Variants in GRM5 observed in about 807,000 individuals in gnomAD.
GRM5 encodes metabotropic glutamate receptor 5.
A neutral mutation model predicts 83.1 loss-of-function variants in GRM5; 19 were observed. The ratio of observed to expected loss-of-function variants is 0.23; its 90% CI spans 0.16 to 0.34. The LOEUF is 0.34. Ranked by LOEUF, GRM5 falls within the 10% of genes least tolerant of loss-of-function variation. The probability of loss-of-function intolerance (pLI) is 1.00; values close to 1 mark genes in which losing one functional copy is unlikely to be tolerated. For missense variants in GRM5, 1,160 were observed against 1,588.3 expected (o/e 0.73, Z 4.58); for synonymous variants, 675 against 633.6 (o/e 1.07, Z -0.98).
intron 8 of GRM5, among the ~76,000 whole-genome samples, chr11:88,538,791 C>T (rs1942195979): frequency 6.6e-6 from 1 of 152,186 alleles, no homozygotes; most frequent in Admixed American, 6.5e-5. Context: ...ATTATTCCTA[C>T]TTTACAAATG....
rs61582476 is a variant in GRM5 at position 88,735,434 on chromosome 11, C to T, written c.912-82031G>A. Among the ~76,000 whole-genome samples, 1,493 of 152,178 alleles carry T rather than the reference C, an allele frequency of 9.8e-3. 24 individuals are homozygous for T. Among genetic ancestry groups the T allele is most frequent in the African/African-American group, 0.035 (1,437 of 41,558 alleles). The stretch of plus-strand genomic sequence containing the variant: ...GGTAAAACTTTGTTTGTCCCTGTTG[C>T]TATCATCTTTGCCAACTTTCTCTCC... On this transcript the variant is annotated intron_variant, in intron 3 of 9. Coordinates refer to ENST00000305447, the MANE Select transcript of GRM5 (RefSeq NM_001143831.3).
At chr11:88,629,403 T>C (rs187010953) in intron 4 of GRM5, among the ~76,000 whole-genome samples, 3 of 152,310 alleles carry the variant, frequency 2.0e-5, no homozygotes, top group Admixed American at 2.0e-4. Flanking sequence ...TACCTATGTA[T>C]AGTGTCTTCT....
intron 1 of GRM5, among the ~76,000 whole-genome samples, chr11:89,049,709 A>G (rs1565351980): frequency 6.6e-6 from 1 of 152,236 alleles, no homozygotes; most frequent in Non-Finnish European, 1.5e-5. Context: ...TTAATATTTC[A>G]TCAAATAACC....
chr11:88,971,683 T>A (rs1939168143), intron 2 of GRM5, among the ~76,000 whole-genome samples: 1 of 152,160 alleles, frequency 6.6e-6, no homozygotes, highest in Admixed American at 6.6e-5. Context: ...CAGTTTATTG[T>A]TAATGGGCAT....
intron 2 of GRM5, among the ~76,000 whole-genome samples, chr11:88,926,538 T>C (rs1369804728): frequency 6.6e-6 from 1 of 152,172 alleles, no homozygotes; most frequent in Non-Finnish European, 1.5e-5. Context: ...TCTCTTCACA[T>C]ATACCTTTGT....
intron 3 of GRM5, among the ~76,000 whole-genome samples, chr11:88,676,437 C>T (rs1940331119): frequency 6.6e-6 from 1 of 151,940 alleles, no homozygotes; most frequent in Non-Finnish European, 1.5e-5. Context: ...ACTTGAAGTT[C>T]CTTGGGGGCA....
intron 3 of GRM5, among the ~76,000 whole-genome samples, chr11:88,835,644 G>C (rs1944080875): frequency 6.6e-6 from 1 of 152,106 alleles, no homozygotes; most frequent in Non-Finnish European, 1.5e-5. Context: ...ACAACTCTGA[G>C]GAAACTGGGG....
rs565001673 is a variant in GRM5, at chr11:89,022,373, T to C, written c.661+24839A>G. 1.3e-3 allele frequency among the ~76,000 whole-genome samples: 204 copies of C among 151,948 alleles called. 1 individual carries two copies. The highest frequency in any genetic ancestry group is 4.1e-3 in the African/African-American group (171 of 41,438). The stretch of plus-strand genomic sequence containing the variant: ...AAATAAAAGAATAGGCTGGGCGCGG[T>C]GGCTCACGTCTGTAATCCCAGCACT... On this transcript the variant is annotated intron_variant, in intron 2 of 9. Coordinates refer to ENST00000305447, the MANE Select transcript of GRM5 (RefSeq NM_001143831.3).
intron 3 of GRM5, among the ~76,000 whole-genome samples, chr11:88,735,436 A>G (rs1259385325): frequency 6.6e-6 from 1 of 152,020 alleles, no homozygotes; most frequent in East Asian, 1.9e-4. Context: ...CCCTGTTGCT[A>G]TCATCTTTGC....
intron 3 of GRM5, among the ~76,000 whole-genome samples, chr11:88,705,825 C>T (rs552335009): frequency 1.3e-5 from 2 of 152,068 alleles, no homozygotes; most frequent in East Asian, 1.9e-4. Context: ...TTGGGTATGT[C>T]ACCCAAGAAT....
intron 2 of GRM5, among the ~76,000 whole-genome samples, chr11:88,896,627 G>A (rs1016201439): frequency 2.0e-5 from 3 of 151,830 alleles, no homozygotes; most frequent in Non-Finnish European, 4.4e-5. Flanking sequence ...GCAGTTCTGA[G>A]GACCAGAGGG....
chr11:89,005,844 C>T (rs529383100), intron 2 of GRM5, among the ~76,000 whole-genome samples: 2 of 152,068 alleles, frequency 1.3e-5, no homozygotes, highest in Admixed American at 6.6e-5. Flanking sequence ...TGTTGCTCAC[C>T]TACCATATTG....
intron 2 of GRM5, among the ~76,000 whole-genome samples, chr11:89,028,007 G>A (rs1318031146): frequency 1.3e-5 from 2 of 152,140 alleles, no homozygotes; most frequent in African/African-American, 4.8e-5. Flanking sequence ...TCTGCCATGT[G>A]AGATGAAGTA....
At chr11:88,846,679 T>C (rs1944308347) in intron 3 of GRM5, among the ~76,000 whole-genome samples, 1 of 148,478 alleles carries the variant, frequency 6.7e-6, no homozygotes, top group Non-Finnish European at 1.5e-5. Flanking sequence ...AATATAGCCT[T>C]TTTTTTTTTC....
intron 4 of GRM5, 70 bp downstream of exon 4, chr11:88,653,098 C>T: frequency 1.1e-6 from 1 of 928,436 alleles, no homozygotes; most frequent in Non-Finnish European, 1.7e-6. Context: ...GCCACTATCC[C>T]CATGACATGG....
intron 3 of GRM5, among the ~76,000 whole-genome samples, chr11:88,754,022 G>A (rs1942341669): frequency 6.6e-6 from 1 of 152,034 alleles, no homozygotes; most frequent in Non-Finnish European, 1.5e-5. Context: ...CAACACGTGG[G>A]AATTATGGGA....
chr11:88,791,333 G>A (rs1385727368), intron 3 of GRM5, among the ~76,000 whole-genome samples: 1 of 152,160 alleles, frequency 6.6e-6, no homozygotes, highest in African/African-American at 2.4e-5. Flanking sequence ...AGAATTGTGA[G>A]TTGAAAACAT....
Position 88,847,161 on chromosome 11 carries a change from G to A in GRM5, c.911+2745C>T, listed in dbSNP as rs373261010. ...TCCATTTCACACATCAATATTTATT[G>A]AGTCTTACTTAGAACTCCTGTGTAT... On this transcript the variant is annotated intron_variant, in intron 3 of 9. Coordinates refer to ENST00000305447, the MANE Select transcript of GRM5 (RefSeq NM_001143831.3). 2.0e-5 allele frequency among the ~76,000 whole-genome samples: 3 copies of A among 152,084 alleles called. No individual in the cohort carries two copies. The East Asian group carries it at 5.8e-4, about 29-fold the overall frequency.
chr11:88,813,321 C>A (rs774305578), intron 3 of GRM5, among the ~76,000 whole-genome samples: 2 of 152,064 alleles, frequency 1.3e-5, no homozygotes, highest in Non-Finnish European at 2.9e-5. Context: ...ATTAATGGAA[C>A]AGCACAAAGG....
Sources: allele counts gnomAD v4.1 joint callset (sites outside exome capture counted in the v4.1 genomes callset), GRCh38; gene constraint gnomAD v4.1.1; transcripts MANE v1.5; gene names NCBI Gene and HGNC (gene_info 2026-07-23, HGNC 2026-07-21).